Variants in KIDINS220 observed in about 807,000 individuals in gnomAD.
KIDINS220 encodes the protein kinase D-interacting substrate of 220 kDa.
KIDINS220 carries 63 observed loss-of-function variants against 157.6 expected under a neutral mutation model. The ratio of observed to expected loss-of-function variants is 0.40; its 90% CI spans 0.33 to 0.49. The LOEUF (loss-of-function observed/expected upper bound fraction) is 0.49, where lower values mean the gene tolerates loss of function less well. KIDINS220 is among the 20% of genes least tolerant of loss of function. The pLI, the probability that KIDINS220 is intolerant of heterozygous loss-of-function variation, is 0.66. For missense variants in KIDINS220, 1,772 were observed against 2,171.2 expected (o/e 0.82, Z 3.65); for synonymous variants, 732 against 783.6 (o/e 0.93, Z 1.10).
At chr2:8,757,561 G>A in intron 22 of KIDINS220, 4 of 1,506,908 alleles carry the variant, frequency 2.7e-6, no homozygotes, top group Non-Finnish European at 3.5e-6. Context: ...TCTCATGAAG[G>A]CCAGTACCTC....
At position 8,731,599 on chromosome 2, in the gene KIDINS220, T is replaced by C; in HGVS notation, c.4437A>G (p.Glu1479=). ...TGCCTGACTGATCTGATTTTTCATC[T>C]TCTTCAGTGATAGGATCCAGGGGGG... is the stretch of plus-strand genomic sequence containing the variant. ...DASPLDPITE[E]DEKSDQSGSK... Residue 1479 remains glutamate (E), a synonymous_variant, in exon 30 of 30, where the codon GAA becomes GAG. Coordinates refer to ENST00000256707, the MANE Select transcript of KIDINS220 (RefSeq NM_020738.4). The surrounding 1 kb of genome is among the most constrained non-coding windows in gnomAD (Gnocchi z 5.2). 1 of 1,614,164 alleles carries C rather than the reference T, an allele frequency of 6.2e-7. No individual in the cohort carries two copies. The highest frequency in any genetic ancestry group is 8.5e-7 in the Non-Finnish European group (1 of 1,179,992).
At chr2:8,758,809 C>T (rs760087773) in intron 22 of KIDINS220, among the ~76,000 whole-genome samples, 1 of 152,120 alleles carries the variant, frequency 6.6e-6, no homozygotes, top group Non-Finnish European at 1.5e-5. Flanking sequence ...ACCTTTCCTA[C>T]CATGTTGGAA....
intron 10 of KIDINS220, 79 bp downstream of exon 10, chr2:8,798,123 C>A: frequency 1.2e-6 from 1 of 815,370 alleles, no homozygotes; most frequent in Non-Finnish European, 2.0e-6. Context: ...TAACATCAAA[C>A]AAAGACGACT....
intron 12 of KIDINS220, 138 bp downstream of exon 12, chr2:8,793,672 C>T: frequency 2.9e-6 from 2 of 694,536 alleles, no homozygotes; most frequent in Non-Finnish European, 4.6e-6. Context: ...CTCCTGGGGT[C>T]AAGCAATCCT....
chr2:8,746,388 G>T (rs1467198123), intron 26 of KIDINS220: 1 of 151,588 alleles, frequency 6.6e-6, no homozygotes, highest in African/African-American at 2.4e-5. Context: ...TTACAGGTGT[G>T]AACCACCGCG....
At chr2:8,742,017 C>T (rs1665691991) in intron 26 of KIDINS220, among the ~76,000 whole-genome samples, 1 of 152,144 alleles carries the variant, frequency 6.6e-6, no homozygotes, top group South Asian at 2.1e-4. Flanking sequence ...CCTTCGACTC[C>T]CTACCTATGG....
At chr2:8,761,758 C>T (rs1434090286) in intron 22 of KIDINS220, among the ~76,000 whole-genome samples, 3 of 152,182 alleles carry the variant, frequency 2.0e-5, no homozygotes, top group Non-Finnish European at 4.4e-5. Context: ...ATGCTCCCAT[C>T]TTGTGGACTT....
chr2:8,786,188 G>A lies in KIDINS220; in HGVS notation c.1939+18C>T, dbSNP rs768791085. Reference sequence around the variant, plus strand: ...CCCCCATCCCTTACACACAAAGAAGGAAGGAAGGAAATCCTACCCTGAGTA... The same window carrying A: ...CCCCCATCCCTTACACACAAAGAAGAAAGGAAGGAAATCCTACCCTGAGTA... On this transcript the variant is annotated intron_variant, in intron 16 of 29. Transcript: ENST00000256707. 2 of 1,613,678 alleles carry A rather than the reference G, an allele frequency of 1.2e-6. No homozygotes were observed. The highest frequency in any genetic ancestry group is 3.3e-5 in the Admixed American group (2 of 59,976).
intron 22 of KIDINS220, among the ~76,000 whole-genome samples, chr2:8,759,783 G>A (rs1668519422): frequency 6.6e-6 from 1 of 152,056 alleles, no homozygotes; most frequent in East Asian, 1.9e-4. Context: ...TAAAAGTTAT[G>A]AAGAATTGAG....
intron 2 of KIDINS220, among the ~76,000 whole-genome samples, chr2:8,819,183 A>G (rs1363399088): frequency 1.3e-5 from 2 of 152,198 alleles, no homozygotes; most frequent in Non-Finnish European, 2.9e-5. Context: ...TTAATTATAT[A>G]TATGTTTTGT....
intron 8 of KIDINS220, among the ~76,000 whole-genome samples, chr2:8,800,843 A>G (rs970314741): frequency 2.6e-5 from 4 of 152,246 alleles, no homozygotes; most frequent in Non-Finnish European, 5.9e-5. Context: ...TCAATGAACC[A>G]AATGAACATT....
chr2:8,736,800 A>G lies in KIDINS220; in HGVS notation c.3717+68T>C, dbSNP rs1304201774. The stretch of plus-strand genomic sequence containing the variant: ...TTGGGAAGCTATACATAAAGTTTAC[A>G]CGACCCACACAGTCCTGTCTTCCGC... On this transcript the variant is annotated intron_variant, in intron 27 of 29. Coordinates refer to ENST00000256707, the MANE Select transcript of KIDINS220 (RefSeq NM_020738.4). 14 of 1,531,118 alleles carry G rather than the reference A, an allele frequency of 9.1e-6. No individual in the cohort carries two copies. In the East Asian group the frequency reaches 3.0e-4, roughly 32 times the overall value. 94.8% of individuals were successfully genotyped at this position (1,531,118 alleles called of 1,614,324 possible). A position where few individuals can be genotyped will look rare whatever the true frequency, so the allele number is the denominator to read the frequency against.
At position 8,734,766 on chromosome 2, in the gene KIDINS220, T is replaced by G; in HGVS notation, c.3718-13A>C. The G allele has an allele frequency of 6.4e-7, 1 of 1,565,512 alleles. No homozygotes were observed. Among genetic ancestry groups the G allele is most frequent in the Non-Finnish European group, 8.8e-7 (1 of 1,139,298 alleles). Reference sequence around the variant, plus strand: ...CATTTATGTTTGCCTGAGTAAAAATTAAAACAATTATGGGTATAAAGACAG... The same window carrying G: ...CATTTATGTTTGCCTGAGTAAAAATGAAAACAATTATGGGTATAAAGACAG... On this transcript the variant is annotated splice_polypyrimidine_tract_variant and intron_variant, in intron 27 of 29. Coordinates refer to ENST00000256707, the MANE Select transcript of KIDINS220 (RefSeq NM_020738.4).
intron 22 of KIDINS220, among the ~76,000 whole-genome samples, chr2:8,767,498 C>A (rs1166869997): frequency 6.6e-6 from 1 of 152,104 alleles, no homozygotes; most frequent in Non-Finnish European, 1.5e-5. Flanking sequence ...GCAACAACTT[C>A]CTCTAAACTA....
chr2:8,820,307 G>C (rs1003392801), intron 2 of KIDINS220, among the ~76,000 whole-genome samples: 3 of 152,052 alleles, frequency 2.0e-5, no homozygotes, highest in Admixed American at 6.5e-5. Context: ...TCCCCTAAAC[G>C]CCGGGAAACA....
chr2:8,825,441 T>A (rs1678640398), intron 2 of KIDINS220, among the ~76,000 whole-genome samples: 1 of 151,666 alleles, frequency 6.6e-6, no homozygotes, highest in Non-Finnish European at 1.5e-5. Context: ...ACTCCTAAAC[T>A]GTATCCTTAA....
intron 21 of KIDINS220, among the ~76,000 whole-genome samples, chr2:8,776,101 T>A (rs145087059): frequency 2.0e-5 from 3 of 152,228 alleles, no homozygotes; most frequent in Non-Finnish European, 4.4e-5. Flanking sequence ...ATTGTAAGTA[T>A]ATTAGATACA....
intron 5 of KIDINS220, among the ~76,000 whole-genome samples, 157 bp downstream of exon 5, chr2:8,813,080 A>C (rs1023818726): frequency 6.6e-6 from 1 of 152,204 alleles, no homozygotes; most frequent in African/African-American, 2.4e-5. Context: ...TTTAGAAAAA[A>C]ATTATCATTA....
chr2:8,807,603 G>A (rs1000759845), intron 6 of KIDINS220, among the ~76,000 whole-genome samples: 2 of 152,196 alleles, frequency 1.3e-5, no homozygotes, highest in African/African-American at 4.8e-5. Flanking sequence ...GTACTGAGCA[G>A]AGTCGCTCTA....
Sources: allele counts gnomAD v4.1 joint callset (sites outside exome capture counted in the v4.1 genomes callset), GRCh38; gene constraint gnomAD v4.1.1; non-coding constraint Gnocchi (gnomAD v3.1); transcripts MANE v1.5; gene names NCBI Gene and HGNC (gene_info 2026-07-23, HGNC 2026-07-21).